Variants in HAO1 observed in about 807,000 individuals in gnomAD.
HAO1 encodes hydroxyacid oxidase 1, also known as 2-Hydroxyacid oxidase 1.
HAO1 carries 34 observed loss-of-function variants against 39.7 expected under a neutral mutation model. That is an observed-to-expected ratio of 0.86 (90% CI 0.65 to 1.14). The LOEUF (loss-of-function observed/expected upper bound fraction) is 1.14, where lower values mean the gene tolerates loss of function less well. HAO1 is among the 50% of genes most tolerant of loss of function. The pLI, the probability that HAO1 is intolerant of heterozygous loss-of-function variation, is 0.00. For synonymous variants in HAO1, 172 were observed against 173.2 expected, an observed-to-expected ratio of 0.99 and a Z score of 0.05; for missense variants, 479 against 464.5, an observed-to-expected ratio of 1.03 and a Z score of -0.29.
intron 5 of HAO1, among the ~76,000 whole-genome samples, chr20:7,893,704 G>A (rs554079196): frequency 1.3e-4 from 20 of 152,042 alleles, no homozygotes; most frequent in Non-Finnish European, 2.1e-4. Flanking sequence ...ATCAGCACTC[G>A]CCACTTTCCA....
At chr20:7,914,615 G>A (rs1046316257) in intron 2 of HAO1, among the ~76,000 whole-genome samples, 196 bp from the exon 3 acceptor site, 2 of 152,098 alleles carry the variant, frequency 1.3e-5, no homozygotes, top group Non-Finnish European at 2.9e-5. Flanking sequence ...ATGGCTACTG[G>A]AGTTATTTCT....
intron 2 of HAO1, among the ~76,000 whole-genome samples, chr20:7,930,418 G>T (rs2050380495): frequency 6.6e-6 from 1 of 152,150 alleles, no homozygotes; most frequent in Admixed American, 6.5e-5. Context: ...TGCCAAGTAT[G>T]AATATTCTTA....
At chr20:7,925,593 G>A (rs533571035) in intron 2 of HAO1, among the ~76,000 whole-genome samples, 2 of 152,138 alleles carry the variant, frequency 1.3e-5, no homozygotes, top group Non-Finnish European at 2.9e-5. Flanking sequence ...ATCATATGGA[G>A]ACCATAACAC....
intron 2 of HAO1, among the ~76,000 whole-genome samples, chr20:7,925,578 G>A (rs1324889596): frequency 6.6e-6 from 1 of 152,102 alleles, no homozygotes; most frequent in African/African-American, 2.4e-5. Context: ...TGGCATAAAT[G>A]GCAGATCATA....
At chr20:7,898,132 C>A (rs1174667706) in intron 4 of HAO1, among the ~76,000 whole-genome samples, 1 of 152,168 alleles carries the variant, frequency 6.6e-6, no homozygotes, top group African/African-American at 2.4e-5. Context: ...TCCACTGTTG[C>A]ATAAGAAGTA....
At chr20:7,891,257 T>G (rs1417822424) in intron 5 of HAO1, among the ~76,000 whole-genome samples, 1 of 152,224 alleles carries the variant, frequency 6.6e-6, no homozygotes, top group Admixed American at 6.5e-5. Flanking sequence ...TAAGGTGGTA[T>G]CACATTGTGG....
At chr20:7,895,100 C>CA (rs1367918293) in intron 5 of HAO1, 33 bp downstream of exon 5, 1 of 1,383,808 alleles carries the variant, frequency 7.2e-7, no homozygotes, top group Non-Finnish European at 1.0e-6. Flanking sequence ...ATGGGAACTC[C>CA]AAAAGGAAAT....
chr20:7,884,465 G>A, intron 7 of HAO1, among the ~76,000 whole-genome samples: 1 of 152,178 alleles, frequency 6.6e-6, no homozygotes, highest in East Asian at 1.9e-4. Context: ...GATGGGTGGA[G>A]GATAAACTGC....
At chr20:7,907,940 C>T (rs769182866) in intron 3 of HAO1, among the ~76,000 whole-genome samples, 2 of 152,144 alleles carry the variant, frequency 1.3e-5, no homozygotes, top group Non-Finnish European at 2.9e-5. Context: ...ACTCACCTTG[C>T]TCTTCTGCAT....
intron 2 of HAO1, 28 bp from the exon 3 acceptor site, chr20:7,914,447 GGGCCT>G: frequency 6.2e-7 from 1 of 1,608,292 alleles, no homozygotes; most frequent in Non-Finnish European, 8.5e-7. Flanking sequence ...TGATCAAGAT[GGGCCT>G]GGCATTGCTT....
chr20:7,938,647 G>T (rs192123056), intron 1 of HAO1, among the ~76,000 whole-genome samples: 1 of 152,000 alleles, frequency 6.6e-6, no homozygotes. Flanking sequence ...GCTTTGGGGC[G>T]CCCCTTTGCA....
At chr20:7,936,558 G>C (rs997144313) in intron 1 of HAO1, among the ~76,000 whole-genome samples, 2 of 147,686 alleles carry the variant, frequency 1.4e-5, no homozygotes, top group Admixed American at 6.8e-5. Context: ...TCGCGCGCGC[G>C]CGCGCGCGTG....
intron 6 of HAO1, 43 bp from the exon 7 acceptor site, chr20:7,885,633 G>C (rs1190954274): frequency 6.5e-7 from 1 of 1,545,470 alleles, no homozygotes. Context: ...AACTAAATCA[G>C]TCTGACTTGT....
Position 7,934,649 on chromosome 20 carries a change from A to G in HAO1, c.138-14T>C. ...TACAGCTTCCATCTAGAATTAAAAA[A>G]TAAAATAAAATAAAAGGCTTTAGAG... On this transcript the variant is annotated splice_polypyrimidine_tract_variant and intron_variant, in intron 1 of 7. Coordinates refer to ENST00000378789, the MANE Select transcript of HAO1 (RefSeq NM_017545.3). 1 of 1,508,022 alleles carries G rather than the reference A, an allele frequency of 6.6e-7. No individual in the cohort carries two copies. Among genetic ancestry groups the G allele is most frequent in the Non-Finnish European group, 8.9e-7 (1 of 1,118,252 alleles). The allele number at this position is 1,508,022 out of a possible 1,614,324, so 93.4% of individuals were successfully genotyped here.
At position 7,906,045 on chromosome 20, in the gene HAO1, C is replaced by G; in HGVS notation, c.721+109G>C. ...GAGAATTGAGAGTTGGAATGTCTCT[C>G]TCAATTTCCATGTTAATTTTTCCTT... On this transcript the variant is annotated intron_variant, in intron 4 of 7. Transcript: ENST00000378789. The G allele has an allele frequency of 8.8e-6, 7 of 795,170 alleles. No individual in the cohort carries two copies. The South Asian group carries it at 1.0e-4, about 12-fold the overall frequency. The allele number at this position is 795,170 out of a possible 1,614,324, so 49.3% of individuals were successfully genotyped here. A position where few individuals can be genotyped will look rare whatever the true frequency, so the allele number is the denominator to read the frequency against.
chr20:7,928,519 G>A lies in HAO1; in HGVS notation c.289+5965C>T, dbSNP rs6140463. On this transcript the variant is annotated intron_variant, in intron 2 of 7. Coordinates refer to ENST00000378789, the MANE Select transcript of HAO1 (RefSeq NM_017545.3). Reference sequence around the variant, plus strand: ...TCTTTTTTTTTTTTTTGTCTTTCCAGCAGAACTATTTAAAGAACTTTTCTT... The same window carrying A: ...TCTTTTTTTTTTTTTTGTCTTTCCAACAGAACTATTTAAAGAACTTTTCTT... Among the ~76,000 whole-genome samples, 36,736 of 147,138 alleles carry A rather than the reference G, an allele frequency of 0.25. 5,070 individuals are homozygous for A. Among genetic ancestry groups the A allele is most frequent in the East Asian group, 0.48 (2,448 of 5,074 alleles).
chr20:7,886,260 A>G (rs2050151051), intron 5 of HAO1, among the ~76,000 whole-genome samples: 1 of 151,718 alleles, frequency 6.6e-6, no homozygotes, highest in African/African-American at 2.4e-5. Context: ...TGCAACCTCC[A>G]TCTCCAGAGT....
intron 2 of HAO1, among the ~76,000 whole-genome samples, chr20:7,922,015 A>G (rs2050335635): frequency 6.6e-6 from 1 of 152,102 alleles, no homozygotes. Flanking sequence ...TGTGGTCACT[A>G]CCTAGGTGAT....
intron 4 of HAO1, among the ~76,000 whole-genome samples, chr20:7,903,886 G>A (rs553311602): frequency 6.6e-6 from 1 of 150,386 alleles, no homozygotes; most frequent in Admixed American, 6.6e-5. Flanking sequence ...TGGTGGTGGT[G>A]GTGGTGGTGG....
Sources: allele counts gnomAD v4.1 joint callset (sites outside exome capture counted in the v4.1 genomes callset), GRCh38; gene constraint gnomAD v4.1.1; transcripts MANE v1.5; gene names NCBI Gene and HGNC (gene_info 2026-07-23, HGNC 2026-07-21).